Variants in DENND2C observed in about 807,000 individuals in gnomAD.
DENND2C encodes DENN domain-containing protein 2C.
Under a neutral mutation model 112.4 loss-of-function variants are expected in DENND2C, and 72 were observed. The ratio of observed to expected loss-of-function variants is 0.64; its 90% CI spans 0.53 to 0.78. DENND2C has a LOEUF of 0.78. Ranked by LOEUF, DENND2C falls within the 30% of genes least tolerant of loss-of-function variation. The pLI is 0.00. For missense variants in DENND2C, 992 were observed against 1,113.8 expected (o/e 0.89, Z 1.56); for synonymous variants, 329 against 381.6 (o/e 0.86, Z 1.61).
At chr1:114,624,620 T>G (rs1440238476) in intron 4 of DENND2C, among the ~76,000 whole-genome samples, 1 of 76,076 alleles carries the variant, frequency 1.3e-5, no homozygotes, top group African/African-American at 7.6e-5. Flanking sequence ...AATTTTCTTT[T>G]TTTCTTTTTT....
Position 114,594,496 on chromosome 1 carries a change from G to A in DENND2C, c.2408C>T (p.Thr803Ile). 1 of 1,613,924 alleles carries A rather than the reference G, an allele frequency of 6.2e-7. No individual in the cohort carries two copies. The highest frequency in any genetic ancestry group is 8.5e-7 in the Non-Finnish European group (1 of 1,179,954). Residue 803 changes from threonine (T) to isoleucine (I), a missense_variant, in exon 18 of 21, where the codon ACT becomes ATT. Thr to Ile is a moderately conservative substitution (Grantham distance 89). Coordinates refer to ENST00000393274, the MANE Select transcript of DENND2C (RefSeq NM_001256404.2). Reference protein sequence around the residue: ...QILEERNEILTQEQNFSQDVT... With the variant: ...QILEERNEILIQEQNFSQDVT... ...ACCTTGTGAAAAATTCTGCTCCTGAGTCAAGATTTCATTTCGTTCTTCCAA... is the reference window on the plus strand; with the variant it reads ...ACCTTGTGAAAAATTCTGCTCCTGAATCAAGATTTCATTTCGTTCTTCCAA...
rs1403226304 is a variant in DENND2C at position 114,601,464 on chromosome 1, C to T, written c.1815+44G>A. On this transcript the variant is annotated intron_variant, in intron 13 of 20. Transcript: ENST00000393274. The stretch of plus-strand genomic sequence containing the variant: ...ACTCTATGCCACTTAATATTAAGAG[C>T]TCAAAAAGGACACCATTTTTCATAC... 2.5e-6 allele frequency: 4 copies of T among 1,572,534 alleles called. No homozygotes were observed. In the Admixed American group the frequency reaches 7.3e-5, roughly 29 times the overall value.
Position 114,622,982 on chromosome 1 carries a change from T to C in DENND2C, c.1056+5A>G. The C allele has an allele frequency of 6.2e-7, 1 of 1,600,594 alleles. No individual in the cohort carries two copies. The highest frequency in any genetic ancestry group is 8.5e-7 in the Non-Finnish European group (1 of 1,171,448). ...TGTTTTCTTCAATTCATTATCTGGT[T>C]ATACCTTGGGTGCTTTAAAAGCACT... On this transcript the variant is annotated splice_donor_5th_base_variant and intron_variant, in intron 6 of 20. Transcript: ENST00000393274.
intron 3 of DENND2C, among the ~76,000 whole-genome samples, chr1:114,632,669 A>G (rs548571808): frequency 2.6e-5 from 4 of 152,320 alleles, no homozygotes; most frequent in African/African-American, 7.2e-5. Flanking sequence ...AGGCAGTAAA[A>G]GTGCCTTTAA....
In DENND2C at chr1:114,611,105, C is replaced by T; in HGVS notation, c.1337G>A (p.Gly446Glu). ...CAGATACTCGGCATCACTTTCGTTC[C>T]CACTGGTTTCACCTGAAAAGAGAGA... is the stretch of plus-strand genomic sequence containing the variant. ...ELPPTKGETS[G>E]NESDAEYLPK... Residue 446 changes from glycine (G) to glutamate (E), a missense_variant, in exon 9 of 21, where the codon GGG becomes GAG. Gly to Glu is a moderately conservative substitution (Grantham distance 98). Transcript: ENST00000393274. 6.2e-7 allele frequency: 1 copy of T among 1,614,130 alleles called. No homozygotes were observed.
At chr1:114,624,243 G>A (rs1656267695) in intron 4 of DENND2C, among the ~76,000 whole-genome samples, 1 of 152,062 alleles carries the variant, frequency 6.6e-6, no homozygotes, top group African/African-American at 2.4e-5. Flanking sequence ...AGGCCAGCAT[G>A]CCCTAAATGA....
chr1:114,669,766 A>G (rs1570830879), intron 1 of DENND2C, among the ~76,000 whole-genome samples: 2 of 152,048 alleles, frequency 1.3e-5, no homozygotes, highest in South Asian at 2.1e-4. Context: ...GACGTCCCAA[A>G]GCTGGGCCCA....
rs559101289 is a variant in DENND2C, at chr1:114,585,531, C to T, written c.*69G>A. 6.5e-7 allele frequency: 1 copy of T among 1,548,016 alleles called. No individual in the cohort carries two copies. The highest frequency in any genetic ancestry group is 8.9e-7 in the Non-Finnish European group (1 of 1,123,240). ...ATTTTGTAGAATACTTCATGGGATC[C>T]TGACCCTTAGAAAAATATTTTCTTT... is the stretch of plus-strand genomic sequence containing the variant. On this transcript the variant is annotated 3_prime_UTR_variant, in exon 21 of 21. Transcript: ENST00000393274.
intron 6 of DENND2C, among the ~76,000 whole-genome samples, chr1:114,622,741 A>AT (rs1214361125): frequency 6.6e-6 from 1 of 151,972 alleles, no homozygotes; most frequent in Admixed American, 6.6e-5. Flanking sequence ...AGTAAACTGA[A>AT]AAGTTCATGG....
chr1:114,585,285 T>C lies in DENND2C; in HGVS notation c.*315A>G. 3.0e-6 allele frequency: 1 copy of C among 333,032 alleles called. No homozygotes were observed. Among genetic ancestry groups the C allele is most frequent in the Non-Finnish European group, 5.5e-6 (1 of 180,244 alleles). The allele number at this position is 333,032 out of a possible 1,614,324, so 20.6% of individuals were successfully genotyped here. On this transcript the variant is annotated 3_prime_UTR_variant, in exon 21 of 21. Transcript: ENST00000393274. ...TTTTAAATGTAACAACAACAAGGCT[T>C]TTCCTTGTGAAACACAACTACTTTC...
intron 8 of DENND2C, among the ~76,000 whole-genome samples, chr1:114,614,232 G>GAA (rs71090798): frequency 9.3e-4 from 106 of 114,294 alleles, no homozygotes; most frequent in South Asian, 2.6e-3. Flanking sequence ...ACTCTGTCTT[G>GAA]AAAAAAAAAA....
intron 1 of DENND2C, among the ~76,000 whole-genome samples, chr1:114,661,841 A>G (rs1242240103): frequency 6.6e-6 from 1 of 152,210 alleles, no homozygotes; most frequent in African/African-American, 2.4e-5. Flanking sequence ...AAATACAATT[A>G]TCACCAGACT....
At chr1:114,645,122 A>C (rs1268290243) in intron 3 of DENND2C, among the ~76,000 whole-genome samples, 6 of 152,140 alleles carry the variant, frequency 3.9e-5, no homozygotes, top group Non-Finnish European at 7.3e-5. Flanking sequence ...TTTTTGATAC[A>C]GTGATTCAAA....
intron 19 of DENND2C, 96 bp from the exon 20 acceptor site, chr1:114,587,569 G>T (rs999636930): frequency 6.8e-7 from 1 of 1,471,988 alleles, no homozygotes. Flanking sequence ...TATTTCCAGG[G>T]CTAAAACAAT....
intron 3 of DENND2C, among the ~76,000 whole-genome samples, chr1:114,636,623 G>C (rs1245180520): frequency 6.6e-6 from 1 of 152,114 alleles, no homozygotes; most frequent in East Asian, 1.9e-4. Context: ...GCAGTGAGCA[G>C]ATCTCGTCAT....
chr1:114,645,108 G>GT (rs1413761260), intron 3 of DENND2C, among the ~76,000 whole-genome samples: 4 of 151,960 alleles, frequency 2.6e-5, no homozygotes, highest in South Asian at 4.2e-4. Flanking sequence ...ATTAAACGTG[G>GT]TTTTTTTTGA....
chr1:114,636,330 C>T (rs1331181539), intron 3 of DENND2C, among the ~76,000 whole-genome samples: 1 of 152,110 alleles, frequency 6.6e-6, no homozygotes, highest in African/African-American at 2.4e-5. Flanking sequence ...GGGAAAAAGG[C>T]AAGGATGTCT....
intron 2 of DENND2C, among the ~76,000 whole-genome samples, chr1:114,654,161 G>A (rs1321673036): frequency 6.6e-6 from 1 of 152,070 alleles, no homozygotes; most frequent in East Asian, 1.9e-4. Context: ...GGCCAGACAC[G>A]GTGGCTCATG....
intron 16 of DENND2C, 22 bp downstream of exon 16, chr1:114,599,252 A>G: frequency 6.4e-7 from 1 of 1,562,682 alleles, no homozygotes; most frequent in Non-Finnish European, 8.7e-7. Context: ...CTCCAATATT[A>G]GGTTCCATTC....
Sources: gnomAD v4.1 joint callset for allele counts (sites outside exome capture counted in the v4.1 genomes callset) on GRCh38, gnomAD v4.1.1 for gene constraint, MANE v1.5 for transcripts, NCBI Gene and HGNC (gene_info 2026-07-23, HGNC 2026-07-21) for gene names.